STIM2: variants seen among roughly 807,000 people sequenced by gnomAD.
The protein encoded by STIM2 is stromal interaction molecule 2.
A neutral mutation model predicts 85.8 loss-of-function variants in STIM2; 31 were observed. The observed-to-expected ratio is 0.36, with a 90% CI of 0.27 to 0.49. STIM2 has a LOEUF of 0.49. Ranked by LOEUF, STIM2 falls within the 20% of genes least tolerant of loss-of-function variation. The pLI, the probability that STIM2 is intolerant of heterozygous loss-of-function variation, is 0.98. For missense variants in STIM2, 841 were observed against 927.6 expected (o/e 0.91, Z 1.21); for synonymous variants, 356 against 331.1 (o/e 1.08, Z -0.82).
intron 1 of STIM2, among the ~76,000 whole-genome samples, chr4:26,906,841 C>T (rs1023009253): frequency 2.0e-5 from 3 of 151,954 alleles, no homozygotes; most frequent in African/African-American, 2.4e-5. Flanking sequence ...GTGGTGGGCA[C>T]CTGTAGTCCC....
chr4:26,994,546 A>G (rs553354883), intron 3 of STIM2, among the ~76,000 whole-genome samples: 2 of 152,210 alleles, frequency 1.3e-5, no homozygotes, highest in East Asian at 1.9e-4. Context: ...AGACTGGACC[A>G]TTTTTAGTCT....
chr4:26,968,183 T>C (rs564892250), intron 3 of STIM2, among the ~76,000 whole-genome samples: 69 of 152,078 alleles, frequency 4.5e-4, no homozygotes, highest in African/African-American at 1.6e-3. Flanking sequence ...AAAAAAATCA[T>C]TAACCTTCAG....
At chr4:26,964,976 G>A (rs2109099359) in intron 3 of STIM2, among the ~76,000 whole-genome samples, 1 of 152,238 alleles carries the variant, frequency 6.6e-6, no homozygotes, top group South Asian at 2.1e-4. Context: ...TAGCTAGGAG[G>A]ATATTTGTAC....
intron 3 of STIM2, among the ~76,000 whole-genome samples, chr4:26,986,618 G>A (rs543577850): frequency 1.3e-5 from 2 of 152,254 alleles, no homozygotes; most frequent in South Asian, 4.2e-4. Context: ...TTAAAGCAAG[G>A]CACACAAATT....
intron 1 of STIM2, among the ~76,000 whole-genome samples, chr4:26,907,053 G>A (rs1234437147): frequency 6.6e-6 from 1 of 152,094 alleles, no homozygotes; most frequent in African/African-American, 2.4e-5. Flanking sequence ...TCAGGCATTT[G>A]GGATAGTGGC....
intron 1 of STIM2, chr4:26,861,661 G>T: frequency 3.8e-6 from 1 of 264,894 alleles, no homozygotes; most frequent in Non-Finnish European, 6.9e-6. Flanking sequence ...TCGTGCTGCA[G>T]AAGTGCCAGC....
At chr4:26,922,408 C>G (rs1350798798) in intron 2 of STIM2, among the ~76,000 whole-genome samples, 1 of 140,334 alleles carries the variant, frequency 7.1e-6, no homozygotes, top group East Asian at 2.4e-4. Context: ...GATGAATGCT[C>G]TGTGCAGTTT....
chr4:26,894,683 C>T (rs1723628498), intron 1 of STIM2, among the ~76,000 whole-genome samples: 1 of 152,074 alleles, frequency 6.6e-6, no homozygotes, highest in Non-Finnish European at 1.5e-5. Flanking sequence ...TGACAATACT[C>T]ACAGTGTTTT....
At chr4:26,948,652 T>G (rs1182809091) in intron 2 of STIM2, among the ~76,000 whole-genome samples, 1 of 152,192 alleles carries the variant, frequency 6.6e-6, no homozygotes, top group Non-Finnish European at 1.5e-5. Flanking sequence ...GCAGTTTATT[T>G]TAGAATGTTT....
Position 26,999,217 on chromosome 4 carries a change from T to G in STIM2, c.510-15T>G, listed in dbSNP as rs746889005. On this transcript the variant is annotated splice_polypyrimidine_tract_variant and intron_variant, in intron 4 of 11. Coordinates refer to ENST00000467087, the MANE Select transcript of STIM2 (RefSeq NM_020860.4). ...AATATATATATATATGTGTGTGTGT[T>G]TTTCAAATAAACAGGATAGCAGTGC... 1.9e-5 allele frequency: 27 copies of G among 1,423,818 alleles called. No homozygotes were observed. Among genetic ancestry groups the G allele is most frequent in the Middle Eastern group, 1.8e-4 (1 of 5,576 alleles). 88.2% of individuals were successfully genotyped at this position (1,423,818 alleles called of 1,614,324 possible).
chr4:26,874,078 T>C (rs970833674), intron 1 of STIM2: 4 of 624,334 alleles, frequency 6.4e-6, no homozygotes, highest in Non-Finnish European at 1.2e-5. Flanking sequence ...CCTGAGGTAC[T>C]CTTAGCTGAG....
chr4:26,970,585 T>A (rs1726908692), intron 3 of STIM2, among the ~76,000 whole-genome samples: 1 of 152,200 alleles, frequency 6.6e-6, no homozygotes, highest in Admixed American at 6.5e-5. Flanking sequence ...CATCCTTTTT[T>A]ATGGCTACAT....
chr4:26,966,813 G>A (rs7693687), intron 3 of STIM2, among the ~76,000 whole-genome samples: 5 of 151,774 alleles, frequency 3.3e-5, no homozygotes, highest in Admixed American at 6.6e-5. Context: ...ATTAAAAACC[G>A]TTTCAATCTC....
intron 1 of STIM2, among the ~76,000 whole-genome samples, chr4:26,879,117 G>T (rs1165706713): frequency 3.3e-5 from 5 of 152,206 alleles, no homozygotes; most frequent in Admixed American, 3.3e-4. Flanking sequence ...TCATCAGCCT[G>T]TAAGTAGGCC....
At chr4:26,886,148 G>A (rs1403045839) in intron 1 of STIM2, among the ~76,000 whole-genome samples, 1 of 151,992 alleles carries the variant, frequency 6.6e-6, no homozygotes, top group Non-Finnish European at 1.5e-5. Context: ...AACCAAATCA[G>A]TGAGAAGGAT....
intron 1 of STIM2, among the ~76,000 whole-genome samples, chr4:26,887,962 G>C (rs189851863): frequency 4.0e-4 from 61 of 152,330 alleles, no homozygotes; most frequent in Admixed American, 6.5e-4. Flanking sequence ...CTCTTGGGCA[G>C]GCGATGATGC....
intron 1 of STIM2, among the ~76,000 whole-genome samples, chr4:26,910,308 G>A (rs1349221280): frequency 6.6e-6 from 1 of 151,968 alleles, no homozygotes; most frequent in Admixed American, 6.6e-5. Context: ...GATCACTTGT[G>A]GTCAGGAGTT....
At chr4:27,012,901 C>T (rs190365510) in intron 10 of STIM2, among the ~76,000 whole-genome samples, 254 of 151,906 alleles carry the variant, frequency 1.7e-3, no homozygotes, top group Non-Finnish European at 2.9e-3. Context: ...TATTTTTCTG[C>T]GTAATTTGAA....
chr4:26,876,933 G>A (rs1722834917), intron 1 of STIM2, among the ~76,000 whole-genome samples: 1 of 152,004 alleles, frequency 6.6e-6, no homozygotes, highest in South Asian at 2.1e-4. Context: ...GTTATTTCAA[G>A]CTGTATTTTT....
Sources: allele counts gnomAD v4.1 joint callset (sites outside exome capture counted in the v4.1 genomes callset), GRCh38; gene constraint gnomAD v4.1.1; transcripts MANE v1.5; gene names NCBI Gene and HGNC (gene_info 2026-07-23, HGNC 2026-07-21).